Variants in MDGA2 observed in about 807,000 individuals in gnomAD.
The protein encoded by MDGA2 is MAM domain containing glycosylphosphatidylinositol anchor 2.
In MDGA2, 40 loss-of-function variants were observed where a neutral mutation model predicts 117.8. That is an observed-to-expected ratio of 0.34 (90% confidence interval 0.26 to 0.44). The LOEUF (loss-of-function observed/expected upper bound fraction) is 0.44. MDGA2 is among the 20% of genes least tolerant of loss of function. The pLI, the probability that MDGA2 is intolerant of heterozygous loss-of-function variation, is 1.00. For synonymous variants in MDGA2, 452 were observed against 439.0 expected (o/e 1.03, Z -0.37); for missense variants, 1,123 against 1,250.6 (o/e 0.90, Z 1.54).
intron 8 of MDGA2, among the ~76,000 whole-genome samples, chr14:47,027,627 T>TTTTATATA (rs1555344546): frequency 6.9e-6 from 1 of 145,934 alleles, no homozygotes; most frequent in Non-Finnish European, 1.5e-5. Flanking sequence ...ATATTATATA[T>TTTTATATA]TATATATATA....
intron 8 of MDGA2, among the ~76,000 whole-genome samples, chr14:46,963,147 G>T (rs1299054990): frequency 1.3e-5 from 2 of 152,166 alleles, no homozygotes; most frequent in Admixed American, 6.5e-5. Context: ...TAGAAATAAT[G>T]AGTGATAACT....
Position 47,301,471 on chromosome 14 carries a change from A to T in MDGA2, c.360T>A (p.Thr120=), listed in dbSNP as rs546142514. The change falls in exon 2 of 17, where the codon ACT becomes ACA. Residue 120 remains threonine, a synonymous_variant. Coordinates refer to ENST00000399232, the MANE Select transcript of MDGA2 (RefSeq NM_001113498.3). The part of the protein sequence containing the change: ...EEERYSERVY[T]IREGETLELT... ...ACTCAAGGGTTTCTCCTTCCCGGATAGTGTAGACCCTTTCGGAGTAGCGCT... is the reference window on the plus strand; with the variant it reads ...ACTCAAGGGTTTCTCCTTCCCGGATTGTGTAGACCCTTTCGGAGTAGCGCT... 1.3e-6 allele frequency: 2 copies of T among 1,551,780 alleles called. No homozygotes were observed. Among genetic ancestry groups the T allele is most frequent in the South Asian group, 2.4e-5 (2 of 84,066 alleles).
intron 1 of MDGA2, among the ~76,000 whole-genome samples, chr14:47,447,076 T>C (rs2416082): frequency 0.68 from 103,112 of 152,018 alleles, 35,479 homozygotes; most frequent in African/African-American, 0.79. Context: ...TTCCTTAACC[T>C]GTGGATGAAA....
At chr14:47,136,752 C>A (rs1333398968) in intron 4 of MDGA2, among the ~76,000 whole-genome samples, 1 of 152,132 alleles carries the variant, frequency 6.6e-6, no homozygotes, top group Non-Finnish European at 1.5e-5. Context: ...GTTGTCAACT[C>A]AGAAAAGATT....
At chr14:47,210,037 T>A (rs1467435548) in intron 3 of MDGA2, among the ~76,000 whole-genome samples, 4 of 152,188 alleles carry the variant, frequency 2.6e-5, no homozygotes, top group African/African-American at 9.7e-5. Context: ...ATGGTTCCAA[T>A]AAAAATAAAC....
At chr14:47,662,419 A>G (rs1897867959) in intron 1 of MDGA2, among the ~76,000 whole-genome samples, 1 of 152,144 alleles carries the variant, frequency 6.6e-6, no homozygotes, top group Non-Finnish European at 1.5e-5. Flanking sequence ...GTGTGTGTGT[A>G]TCTTCTTTAG....
At chr14:47,543,121 A>C (rs1416231968) in intron 1 of MDGA2, among the ~76,000 whole-genome samples, 3 of 152,132 alleles carry the variant, frequency 2.0e-5, no homozygotes, top group Admixed American at 2.0e-4. Context: ...GAGGTGGGGC[A>C]ATCACTTGAG....
intron 1 of MDGA2, among the ~76,000 whole-genome samples, chr14:47,504,840 G>C (rs1032428743): frequency 2.0e-5 from 3 of 152,132 alleles, no homozygotes; most frequent in African/African-American, 7.2e-5. Flanking sequence ...AATCTTAGTA[G>C]TGGCTACACA....
At chr14:47,491,755 T>C (rs974470876) in intron 1 of MDGA2, among the ~76,000 whole-genome samples, 7 of 152,006 alleles carry the variant, frequency 4.6e-5, no homozygotes, top group Admixed American at 1.3e-4. Context: ...CTTTGGACAA[T>C]TGTTATTTTA....
intron 1 of MDGA2, among the ~76,000 whole-genome samples, chr14:47,359,590 C>T (rs1266052657): frequency 1.3e-5 from 2 of 150,910 alleles, no homozygotes; most frequent in African/African-American, 4.9e-5. Flanking sequence ...TATCCACAGG[C>T]AAAAGAATGA....
In MDGA2 at chr14:47,438,907, T is replaced by A. The variant is rs189732166; in HGVS notation, c.281-137357A>T. On this transcript the variant is annotated intron_variant, in intron 1 of 16. Transcript: ENST00000399232. ...TACTGTACTGCCTTAGGAACAAGCA[T>A]AGTGTGTCTATTTTTAGGGCAAATG... is the stretch of plus-strand genomic sequence containing the variant. Among the ~76,000 whole-genome samples the A allele has an allele frequency of 3.3e-5, 5 of 152,286 alleles. No individual in the cohort carries two copies. The East Asian group carries it at 9.7e-4, about 29-fold the overall frequency.
chr14:47,266,007 G>C (rs1887953865), intron 2 of MDGA2, among the ~76,000 whole-genome samples: 1 of 152,004 alleles, frequency 6.6e-6, no homozygotes, highest in Non-Finnish European at 1.5e-5. Flanking sequence ...GCAAGGCATG[G>C]GTCTAGGATT....
chr14:47,163,546 A>G (rs2139286245), intron 3 of MDGA2, among the ~76,000 whole-genome samples: 1 of 152,168 alleles, frequency 6.6e-6, no homozygotes, highest in African/African-American at 2.4e-5. Context: ...GCAAGATATG[A>G]CATGCTCCTC....
chr14:47,146,206 A>AT (rs1194069680), intron 3 of MDGA2, among the ~76,000 whole-genome samples: 1 of 152,150 alleles, frequency 6.6e-6, no homozygotes, highest in Non-Finnish European at 1.5e-5. Flanking sequence ...AAATTTCCCC[A>AT]TTTTTTAAAA....
chr14:46,870,660 T>C (rs1158070338), intron 14 of MDGA2, among the ~76,000 whole-genome samples: 1 of 151,872 alleles, frequency 6.6e-6, no homozygotes, highest in Non-Finnish European at 1.5e-5. Flanking sequence ...AGCAAAGAAA[T>C]GACATAGGGG....
chr14:46,966,327 A>G (rs1414499430), intron 8 of MDGA2, among the ~76,000 whole-genome samples: 2 of 152,178 alleles, frequency 1.3e-5, no homozygotes, highest in African/African-American at 2.4e-5. Flanking sequence ...ATTATTTCCA[A>G]TTGCAGATAC....
intron 3 of MDGA2, among the ~76,000 whole-genome samples, chr14:47,216,158 G>A (rs1886080390): frequency 6.6e-6 from 1 of 152,000 alleles, no homozygotes; most frequent in African/African-American, 2.4e-5. Context: ...CAATGAAAAA[G>A]GCTTTCTAGT....
chr14:47,492,738 A>G (rs1354559861), intron 1 of MDGA2, among the ~76,000 whole-genome samples: 1 of 152,130 alleles, frequency 6.6e-6, no homozygotes, highest in Non-Finnish European at 1.5e-5. Flanking sequence ...AGTCTATAAT[A>G]TTATCAGGAA....
intron 1 of MDGA2, among the ~76,000 whole-genome samples, chr14:47,450,858 G>T (rs2138569844): frequency 6.6e-6 from 1 of 152,216 alleles, no homozygotes; most frequent in South Asian, 2.1e-4. Flanking sequence ...TGAAGGACTT[G>T]CTTTTCAAAT....
Sources: gnomAD v4.1 joint callset for allele counts (sites outside exome capture counted in the v4.1 genomes callset) on GRCh38, gnomAD v4.1.1 for gene constraint, MANE v1.5 for transcripts, NCBI Gene and HGNC (gene_info 2026-07-23, HGNC 2026-07-21) for gene names.